The following STAU2 variants were observed in gnomAD, a reference collection of about 807,000 sequenced individuals.
STAU2 encodes the protein double-stranded RNA-binding protein Staufen homolog 2.
STAU2 carries 20 observed loss-of-function variants against 65.9 expected under a neutral mutation model. The ratio of observed to expected loss-of-function variants is 0.30; its 90% CI spans 0.21 to 0.44. STAU2 has a LOEUF of 0.44. Ranked by LOEUF, STAU2 falls within the 20% of genes least tolerant of loss-of-function variation. The pLI, the probability that STAU2 is intolerant of heterozygous loss-of-function variation, is 1.00. For missense variants in STAU2, 558 were observed against 683.9 expected (o/e 0.82, Z 2.05); for synonymous variants, 232 against 233.9 (o/e 0.99, Z 0.07).
At chr8:73,631,756 G>C (rs987014908) in intron 6 of STAU2, among the ~76,000 whole-genome samples, 1 of 152,128 alleles carries the variant, frequency 6.6e-6, no homozygotes, top group African/African-American at 2.4e-5. Context: ...CAAGGTCCTT[G>C]TAACTGAAGC....
intron 6 of STAU2, among the ~76,000 whole-genome samples, chr8:73,624,350 A>G (rs961797783): frequency 2.0e-5 from 3 of 152,216 alleles, no homozygotes; most frequent in Non-Finnish European, 2.9e-5. Flanking sequence ...GAGCCCCATT[A>G]TTGTAAACAC....
chr8:73,488,156 C>T (rs998167582), intron 13 of STAU2, among the ~76,000 whole-genome samples: 4 of 152,022 alleles, frequency 2.6e-5, no homozygotes, highest in Admixed American at 6.6e-5. Context: ...TATAATTGTA[C>T]TCTTTTACAG....
intron 6 of STAU2, among the ~76,000 whole-genome samples, chr8:73,671,472 A>C (rs754422543): frequency 2.6e-5 from 4 of 152,156 alleles, no homozygotes; most frequent in South Asian, 2.1e-4. Flanking sequence ...TGTTCTCAGA[A>C]TAGAATAAGC....
intron 5 of STAU2, among the ~76,000 whole-genome samples, chr8:73,674,997 T>C (rs1376381070): frequency 6.6e-6 from 1 of 151,680 alleles, no homozygotes; most frequent in East Asian, 1.9e-4. Context: ...AAATGCACAT[T>C]GTATTCATCA....
At chr8:73,490,397 T>C (rs929605429) in intron 13 of STAU2, among the ~76,000 whole-genome samples, 1 of 151,996 alleles carries the variant, frequency 6.6e-6, no homozygotes, top group Non-Finnish European at 1.5e-5. Context: ...TGATAATTCT[T>C]TGCATGTAAT....
intron 13 of STAU2, among the ~76,000 whole-genome samples, chr8:73,436,690 A>T (rs1337752036): frequency 6.6e-6 from 1 of 151,694 alleles, no homozygotes; most frequent in Non-Finnish European, 1.5e-5. Context: ...GGGTTCAAGC[A>T]ATTCTCCCTC....
chr8:73,518,716 T>C (rs1217271590), intron 13 of STAU2, among the ~76,000 whole-genome samples: 1 of 152,238 alleles, frequency 6.6e-6, no homozygotes, highest in Non-Finnish European at 1.5e-5. Context: ...AGTCTATTTT[T>C]AGTCTATTAT....
intron 1 of STAU2, among the ~76,000 whole-genome samples, chr8:73,741,664 C>G (rs1485969238): frequency 6.6e-6 from 1 of 151,996 alleles, no homozygotes; most frequent in African/African-American, 2.4e-5. Context: ...AGGTACACAC[C>G]ACCATGCCTG....
chr8:73,655,540 G>A lies in STAU2; in HGVS notation c.410+17567C>T, dbSNP rs542406244. Reference sequence around the variant, plus strand: ...ATAGATATATTAATTAAAATTATAGGAGTTTGTACTTCCATGTAAGTTAGA... The same window carrying A: ...ATAGATATATTAATTAAAATTATAGAAGTTTGTACTTCCATGTAAGTTAGA... On this transcript the variant is annotated intron_variant, in intron 6 of 14. Transcript: ENST00000524300. Among the ~76,000 whole-genome samples, 3 of 151,384 alleles carry A rather than the reference G, an allele frequency of 2.0e-5. No homozygotes were observed. The South Asian group carries it at 6.3e-4, about 32-fold the overall frequency.
chr8:73,662,430 T>C (rs902335943), intron 6 of STAU2, among the ~76,000 whole-genome samples: 6 of 152,226 alleles, frequency 3.9e-5, no homozygotes, highest in African/African-American at 1.4e-4. Context: ...GACATGTAAT[T>C]TCTCAATTGT....
chr8:73,466,791 A>G (rs1372532094), intron 13 of STAU2, among the ~76,000 whole-genome samples: 1 of 152,212 alleles, frequency 6.6e-6, no homozygotes, highest in Non-Finnish European at 1.5e-5. Context: ...GCCATTTAAT[A>G]AACCATTATT....
At chr8:73,688,513 T>C (rs1389836903) in intron 5 of STAU2, 141 bp downstream of exon 5, 1 of 732,664 alleles carries the variant, frequency 1.4e-6, no homozygotes, top group African/African-American at 1.8e-5. Flanking sequence ...TGTGTGTGTG[T>C]GTGTGTGTGT....
At chr8:73,531,441 T>C (rs1444965124) in intron 13 of STAU2, among the ~76,000 whole-genome samples, 1 of 152,110 alleles carries the variant, frequency 6.6e-6, no homozygotes, top group African/African-American at 2.4e-5. Context: ...GATAAAAATA[T>C]GTAGGGAAAA....
chr8:73,573,936 G>A (rs1276589023), intron 12 of STAU2, among the ~76,000 whole-genome samples: 1 of 152,158 alleles, frequency 6.6e-6, no homozygotes, highest in Non-Finnish European at 1.5e-5. Flanking sequence ...CTTCTGCACA[G>A]CAAAAGAAAC....
intron 13 of STAU2, among the ~76,000 whole-genome samples, chr8:73,529,134 G>A (rs1805635476): frequency 6.6e-6 from 1 of 152,116 alleles, no homozygotes; most frequent in South Asian, 2.1e-4. Flanking sequence ...TAACCTTGGG[G>A]AAAAAGGTTT....
At chr8:73,686,712 C>A (rs1352004922) in intron 5 of STAU2, among the ~76,000 whole-genome samples, 1 of 151,362 alleles carries the variant, frequency 6.6e-6, no homozygotes, top group Non-Finnish European at 1.5e-5. Context: ...CCGAATACCA[C>A]CTGTTCCCCA....
At chr8:73,629,565 T>C (rs1813937722) in intron 6 of STAU2, among the ~76,000 whole-genome samples, 1 of 152,208 alleles carries the variant, frequency 6.6e-6, no homozygotes, top group African/African-American at 2.4e-5. Flanking sequence ...TATAATTTAT[T>C]AGCTGGAACT....
intron 5 of STAU2, among the ~76,000 whole-genome samples, chr8:73,678,945 A>G (rs983364968): frequency 3.3e-5 from 5 of 152,204 alleles, no homozygotes; most frequent in Non-Finnish European, 7.4e-5. Flanking sequence ...GAATGAAACA[A>G]GTGTCTATGT....
intron 12 of STAU2, among the ~76,000 whole-genome samples, chr8:73,553,363 C>A (rs1807477040): frequency 1.3e-5 from 2 of 152,172 alleles, no homozygotes; most frequent in Admixed American, 1.3e-4. Context: ...TTCTCTGCTG[C>A]TAGTATTCTC....
Sources: allele counts gnomAD v4.1 joint callset (sites outside exome capture counted in the v4.1 genomes callset), GRCh38; gene constraint gnomAD v4.1.1; transcripts MANE v1.5; gene names NCBI Gene and HGNC (gene_info 2026-07-23, HGNC 2026-07-21).